The following C1orf174 variants were observed in gnomAD, a reference collection of about 807,000 sequenced individuals.
C1orf174 encodes the protein chromosome 1 open reading frame 174, also known as UPF0688 protein C1orf174.
In C1orf174, 13 loss-of-function variants were observed where a neutral mutation model predicts 18.4. That is an observed-to-expected ratio of 0.71 (90% CI 0.46 to 1.12). The LOEUF (loss-of-function observed/expected upper bound fraction) is 1.12. Ranked by LOEUF, C1orf174 falls within the 50% of genes most tolerant of loss-of-function variation. The probability of loss-of-function intolerance (pLI) is 0.00; values close to 1 mark genes in which losing one functional copy is unlikely to be tolerated. For synonymous variants in C1orf174, 100 were observed against 118.3 expected (o/e 0.85, Z 1.01); for missense variants, 309 against 308.0 (o/e 1.00, Z -0.02).
At chr1:3,898,970 G>T (rs1638657640) in intron 1 of C1orf174, among the ~76,000 whole-genome samples, 1 of 152,142 alleles carries the variant, frequency 6.6e-6, no homozygotes, top group South Asian at 2.1e-4. Flanking sequence ...GTACAAATCT[G>T]AAGCTTAAGA....
At chr1:3,899,112 TAAAG>T (rs1317553900) in intron 1 of C1orf174, among the ~76,000 whole-genome samples, 3 of 152,156 alleles carry the variant, frequency 2.0e-5, no homozygotes, top group African/African-American at 4.8e-5. Context: ...TTAATCCACT[TAAAG>T]AAGGAACAGG....
chr1:3,890,164 C>T (rs1034549480), intron 3 of C1orf174, 91 bp from the exon 4 acceptor site: 23 of 989,512 alleles, frequency 2.3e-5, no homozygotes, highest in Admixed American at 3.9e-5. Context: ...CTCTAGGGCT[C>T]GCAGAGCGCT....
In C1orf174 at chr1:3,900,162, C is replaced by CA; in HGVS notation, c.15+9dup. The CA allele has an allele frequency of 6.3e-7, 1 of 1,582,626 alleles. No homozygotes were observed. The highest frequency in any genetic ancestry group is 8.5e-7 in the Non-Finnish European group (1 of 1,173,388). On this transcript the variant is annotated intron_variant, in intron 1 of 3. Transcript: ENST00000361605. ...GCCCGGCGCAGCTGCTGCCGGGACC[C>CA]AGCCCTCACCTTCCGGCTCCTCATG...
Position 3,889,936 on chromosome 1 carries a change from C to A in C1orf174, c.*24G>T. On this transcript the variant is annotated 3_prime_UTR_variant, in exon 4 of 4. Transcript: ENST00000361605. ...CAAATTGTTAATGGTACTAAATACT[C>A]AAGGACATTATTTTGTATGGCCCCT... 1 of 1,563,690 alleles carries A rather than the reference C, an allele frequency of 6.4e-7. No homozygotes were observed. The highest frequency in any genetic ancestry group is 1.1e-5 in the South Asian group (1 of 90,054).
At chr1:3,893,178 G>C (rs1570965366) in intron 1 of C1orf174, among the ~76,000 whole-genome samples, 182 bp from the exon 2 acceptor site, 1 of 152,162 alleles carries the variant, frequency 6.6e-6, no homozygotes, top group African/African-American at 2.4e-5. Flanking sequence ...CCTGGATTTA[G>C]GATACAGGAT....
At chr1:3,896,558 T>C (rs1025273522) in intron 1 of C1orf174, among the ~76,000 whole-genome samples, 4 of 152,170 alleles carry the variant, frequency 2.6e-5, no homozygotes, top group African/African-American at 9.7e-5. Flanking sequence ...TTCCCTGCCA[T>C]GGAATGTGGA....
At chr1:3,890,276 T>C (rs1189471386) in intron 3 of C1orf174, among the ~76,000 whole-genome samples, 1 of 152,142 alleles carries the variant, frequency 6.6e-6, no homozygotes, top group African/African-American at 2.4e-5. Context: ...GGAAAGGTGC[T>C]GGGTTCAAAA....
At position 3,889,510 on chromosome 1, in the gene C1orf174, G is replaced by A. The variant is rs4075974; in HGVS notation, c.*450C>T. ...GGAGTTTGAGACCAGCCTGGCCAACGTGGAGAAACCCCCGTGTCTACTAAT... is the reference window on the plus strand; with the variant it reads ...GGAGTTTGAGACCAGCCTGGCCAACATGGAGAAACCCCCGTGTCTACTAAT... On this transcript the variant is annotated 3_prime_UTR_variant, in exon 4 of 4. Coordinates refer to ENST00000361605, the MANE Select transcript of C1orf174 (RefSeq NM_207356.3). The A allele has an allele frequency of 0.71, 111,761 of 157,228 alleles. 40,018 individuals are homozygous for A. The highest frequency in any genetic ancestry group is 0.76 in the African/African-American group (31,610 of 41,518). 9.7% of individuals were successfully genotyped at this position (157,228 alleles called of 1,614,324 possible). A position where few individuals can be genotyped will look rare whatever the true frequency, so the allele number is the denominator to read the frequency against.
chr1:3,900,254 A>G lies in C1orf174; in HGVS notation c.-68T>C, dbSNP rs1028456788. On this transcript the variant is annotated 5_prime_UTR_variant, in exon 1 of 4. Coordinates refer to ENST00000361605, the MANE Select transcript of C1orf174 (RefSeq NM_207356.3). ...GCGTCCCGGCGGAGCGGCGACCCGGAGTCTGCAGAGCGCGCCGCGGCGGCG... is the reference window on the plus strand; with the variant it reads ...GCGTCCCGGCGGAGCGGCGACCCGGGGTCTGCAGAGCGCGCCGCGGCGGCG... The G allele has an allele frequency of 8.4e-5, 120 of 1,420,778 alleles. 2 individuals carry two copies. In the African/African-American group the frequency reaches 1.0e-3, roughly 12 times the overall value. 88.0% of individuals were successfully genotyped at this position (1,420,778 alleles called of 1,614,324 possible).
Position 3,892,770 on chromosome 1 carries a change from A to C in C1orf174, c.129+113T>G. The stretch of plus-strand genomic sequence containing the variant: ...TCATCTGCAATAGTCCCCCTCTGGC[A>C]GATAAGTAACAGTCGATATTTTTCT... On this transcript the variant is annotated intron_variant, in intron 2 of 3. Coordinates refer to ENST00000361605, the MANE Select transcript of C1orf174 (RefSeq NM_207356.3). 2.0e-6 allele frequency: 3 copies of C among 1,493,472 alleles called. No individual in the cohort carries two copies. The South Asian group carries it at 4.1e-5, about 20-fold the overall frequency. 92.5% of individuals were successfully genotyped at this position (1,493,472 alleles called of 1,614,324 possible). A position where few individuals can be genotyped will look rare whatever the true frequency, so the allele number is the denominator to read the frequency against.
At chr1:3,899,926 C>G (rs1043333776) in intron 1 of C1orf174, among the ~76,000 whole-genome samples, 2 of 150,298 alleles carry the variant, frequency 1.3e-5, no homozygotes, top group African/African-American at 4.9e-5. Context: ...GGGGACGTGA[C>G]CTGTGAGCTC....
At chr1:3,897,953 G>A (rs567730529) in intron 1 of C1orf174, among the ~76,000 whole-genome samples, 72 of 152,130 alleles carry the variant, frequency 4.7e-4, no homozygotes, top group African/African-American at 1.7e-3. Flanking sequence ...GTGAGCCACC[G>A]TGCCTGGCCC....
chr1:3,899,771 G>GA (rs1404807188), intron 1 of C1orf174, among the ~76,000 whole-genome samples: 6 of 151,848 alleles, frequency 4.0e-5, no homozygotes, highest in Non-Finnish European at 8.8e-5. Flanking sequence ...CCCAGGACGT[G>GA]AACTGTGAGC....
intron 2 of C1orf174, chr1:3,891,568 G>C: frequency 1.0e-6 from 1 of 984,380 alleles, no homozygotes; most frequent in Non-Finnish European, 1.2e-6. Context: ...CTACACGCTG[G>C]CATATGGCCA....
chr1:3,898,132 T>C (rs1408300999), intron 1 of C1orf174, among the ~76,000 whole-genome samples: 1 of 152,226 alleles, frequency 6.6e-6, no homozygotes, highest in African/African-American at 2.4e-5. Flanking sequence ...ATAAATGAAC[T>C]GACTGAAACA....
At position 3,900,244 on chromosome 1, in the gene C1orf174, G is replaced by C. The variant is rs754099051; in HGVS notation, c.-58C>G. ...CCCGGCCAACGCGTCCCGGCGGAGCGGCGACCCGGAGTCTGCAGAGCGCGC... is the reference window on the plus strand; with the variant it reads ...CCCGGCCAACGCGTCCCGGCGGAGCCGCGACCCGGAGTCTGCAGAGCGCGC... On this transcript the variant is annotated 5_prime_UTR_variant, in exon 1 of 4. Coordinates refer to ENST00000361605, the MANE Select transcript of C1orf174 (RefSeq NM_207356.3). 5 of 1,529,148 alleles carry C rather than the reference G, an allele frequency of 3.3e-6. No homozygotes were observed. Among genetic ancestry groups the C allele is most frequent in the South Asian group, 1.2e-5 (1 of 81,776 alleles). 94.7% of individuals were successfully genotyped at this position (1,529,148 alleles called of 1,614,324 possible). A position where few individuals can be genotyped will look rare whatever the true frequency, so the allele number is the denominator to read the frequency against.
intron 1 of C1orf174, among the ~76,000 whole-genome samples, chr1:3,893,388 CAA>C (rs1638549562): frequency 6.6e-6 from 1 of 152,092 alleles, no homozygotes; most frequent in Non-Finnish European, 1.5e-5. Flanking sequence ...ATGAGGAAAC[CAA>C]AGTTTCTCTT....
At chr1:3,891,737 G>A (rs1434463679) in intron 2 of C1orf174, 6 of 985,872 alleles carry the variant, frequency 6.1e-6, no homozygotes, top group East Asian at 1.1e-4. Flanking sequence ...AGCCTCTGGC[G>A]GTGAGGCTGC....
At chr1:3,893,131 G>A in intron 1 of C1orf174, 135 bp from the exon 2 acceptor site, 1 of 901,900 alleles carries the variant, frequency 1.1e-6, no homozygotes. Flanking sequence ...TGTGGAGACA[G>A]CTGTGGCCCG....
Sources: allele counts gnomAD v4.1 joint callset (sites outside exome capture counted in the v4.1 genomes callset), GRCh38; gene constraint gnomAD v4.1.1; transcripts MANE v1.5; gene names NCBI Gene and HGNC (gene_info 2026-07-23, HGNC 2026-07-21).